The following SKAP2 variants were observed in gnomAD, a reference collection of about 807,000 sequenced individuals.
SKAP2 encodes src kinase-associated phosphoprotein 2.
In SKAP2, 28 loss-of-function variants were observed where a neutral mutation model predicts 54.9. That is an observed-to-expected ratio of 0.51 (90% confidence interval 0.38 to 0.70). The LOEUF (loss-of-function observed/expected upper bound fraction) is 0.70. Among genes scored for constraint, SKAP2 ranks in the 30% least tolerant of loss-of-function variants. The pLI is 0.00. For synonymous variants in SKAP2, 137 were observed against 134.3 expected, an observed-to-expected ratio of 1.02 and a Z score of -0.14; for missense variants, 356 against 424.1, an observed-to-expected ratio of 0.84 and a Z score of 1.41.
At chr7:26,676,434 A>G (rs1185015093) in intron 11 of SKAP2, among the ~76,000 whole-genome samples, 1 of 152,160 alleles carries the variant, frequency 6.6e-6, no homozygotes, top group Non-Finnish European at 1.5e-5. Context: ...ACAACCTCAG[A>G]AACACCATTG....
At chr7:26,821,107 A>G (rs571190033) in intron 4 of SKAP2, among the ~76,000 whole-genome samples, 16 of 143,862 alleles carry the variant, frequency 1.1e-4, no homozygotes, top group African/African-American at 3.5e-4. Context: ...ATGATGAAAC[A>G]TAAGAGTTTA....
rs111781903 is a variant in SKAP2, at chr7:26,857,539, A to G, written c.68-2649T>C. 3.6e-4 allele frequency: 353 copies of G among 985,376 alleles called. No individual in the cohort carries two copies. The African/African-American group carries it at 5.8e-3, about 16-fold the overall frequency. The allele number at this position is 985,376 out of a possible 1,614,324, so 61.0% of individuals were successfully genotyped here. A position where few individuals can be genotyped will look rare whatever the true frequency, so the allele number is the denominator to read the frequency against. ...GGTGGCGTTCGGCCGGTGTCTGAGC[A>G]ACACACCGATCCTGATCTCGCAACG... On this transcript the variant is annotated intron_variant, in intron 1 of 12. Coordinates refer to ENST00000345317, the MANE Select transcript of SKAP2 (RefSeq NM_003930.5).
chr7:26,720,496 T>C (rs1000480284), intron 9 of SKAP2, among the ~76,000 whole-genome samples: 1 of 152,244 alleles, frequency 6.6e-6, no homozygotes, highest in African/African-American at 2.4e-5. Flanking sequence ...TGATTTCATT[T>C]TTTTTTATAA....
chr7:26,851,717 A>AT (rs1410413813), intron 3 of SKAP2, among the ~76,000 whole-genome samples: 7 of 141,988 alleles, frequency 4.9e-5, no homozygotes, highest in African/African-American at 1.8e-4. Flanking sequence ...AAGTATAATA[A>AT]TTAAAAAAAA....
At chr7:26,675,162 C>T (rs1249877108) in intron 11 of SKAP2, among the ~76,000 whole-genome samples, 2 of 152,124 alleles carry the variant, frequency 1.3e-5, no homozygotes, top group African/African-American at 4.8e-5. Flanking sequence ...ATCAGTTTAC[C>T]CTGCTGCTCA....
chr7:26,785,335 C>T (rs993672246), intron 4 of SKAP2, among the ~76,000 whole-genome samples: 20 of 151,962 alleles, frequency 1.3e-4, no homozygotes, highest in African/African-American at 4.4e-4. Context: ...TACAGGCGCC[C>T]GCCACCACAC....
chr7:26,663,538 A>T (rs148216481), downstream of SKAP2, among the ~76,000 whole-genome samples: 236 of 152,278 alleles, frequency 1.5e-3, 1 homozygote, highest in African/African-American at 5.5e-3. Flanking sequence ...CTCAACAAGC[A>T]AAAGTCAGGT....
At chr7:26,715,879 T>C (rs1469225972) in intron 9 of SKAP2, among the ~76,000 whole-genome samples, 2 of 152,238 alleles carry the variant, frequency 1.3e-5, no homozygotes, top group Admixed American at 6.5e-5. Context: ...TATTTTGTCA[T>C]TTCCATTGTA....
intron 4 of SKAP2, among the ~76,000 whole-genome samples, chr7:26,764,864 T>C (rs897898695): frequency 6.6e-6 from 1 of 152,234 alleles, no homozygotes; most frequent in African/African-American, 2.4e-5. Flanking sequence ...CCACATTTTC[T>C]TTATCCAGTC....
intron 9 of SKAP2, among the ~76,000 whole-genome samples, chr7:26,724,925 C>T (rs529351098): frequency 4.6e-5 from 7 of 152,084 alleles, no homozygotes; most frequent in African/African-American, 1.7e-4. Context: ...GACTTGAAGC[C>T]TCAAAAGGCC....
At chr7:26,791,800 T>C (rs1783678165) in intron 4 of SKAP2, among the ~76,000 whole-genome samples, 1 of 152,094 alleles carries the variant, frequency 6.6e-6, no homozygotes, top group Non-Finnish European at 1.5e-5. Flanking sequence ...CGGAAAACAT[T>C]TTGGGAGTTT....
chr7:26,722,542 C>T (rs993361823), intron 9 of SKAP2, among the ~76,000 whole-genome samples: 1 of 151,742 alleles, frequency 6.6e-6, no homozygotes, highest in Non-Finnish European at 1.5e-5. Flanking sequence ...CAGGCACCTG[C>T]CACCATGCCC....
At chr7:26,742,652 G>A (rs2127962935) in intron 4 of SKAP2, among the ~76,000 whole-genome samples, 1 of 152,056 alleles carries the variant, frequency 6.6e-6, no homozygotes, top group South Asian at 2.1e-4. Context: ...TTTTTTAACT[G>A]AAATTTCATT....
At chr7:26,717,243 G>C (rs1415455451) in intron 9 of SKAP2, among the ~76,000 whole-genome samples, 1 of 152,220 alleles carries the variant, frequency 6.6e-6, no homozygotes, top group East Asian at 1.9e-4. Flanking sequence ...TGGCACAGTG[G>C]CTCATGTCTG....
At chr7:26,680,151 T>G (rs1341091191) in intron 11 of SKAP2, among the ~76,000 whole-genome samples, 1 of 152,178 alleles carries the variant, frequency 6.6e-6, no homozygotes, top group Non-Finnish European at 1.5e-5. Flanking sequence ...TTTATTGCTT[T>G]AAAAGTAAGT....
chr7:26,697,655 TC>T (rs1440624823), intron 9 of SKAP2, among the ~76,000 whole-genome samples: 1 of 152,134 alleles, frequency 6.6e-6, no homozygotes, highest in Non-Finnish European at 1.5e-5. Flanking sequence ...ATTTTTTTTT[TC>T]ATTTAAAGTA....
At chr7:26,749,745 CAATAAT>C (rs68049436) in intron 4 of SKAP2, among the ~76,000 whole-genome samples, 30,326 of 144,524 alleles carry the variant, frequency 0.21, 3,648 homozygotes, top group African/African-American at 0.32. Flanking sequence ...CAAATAATAA[CAATAAT>C]AATAATAATA....
intron 4 of SKAP2, among the ~76,000 whole-genome samples, chr7:26,831,740 T>C (rs1465524993): frequency 4.6e-5 from 7 of 152,124 alleles, no homozygotes; most frequent in African/African-American, 1.7e-4. Flanking sequence ...AGACAGGCAA[T>C]GAAGTATTTG....
chr7:26,745,129 T>C (rs1196653149), intron 4 of SKAP2, among the ~76,000 whole-genome samples: 1 of 152,096 alleles, frequency 6.6e-6, no homozygotes, highest in African/African-American at 2.4e-5. Context: ...TTATATAGTT[T>C]TCAACATGAA....
Sources: gnomAD v4.1 joint callset for allele counts (sites outside exome capture counted in the v4.1 genomes callset) on GRCh38, gnomAD v4.1.1 for gene constraint, MANE v1.5 for transcripts, NCBI Gene and HGNC (gene_info 2026-07-23, HGNC 2026-07-21) for gene names.